The following DENND1A variants were observed in gnomAD, a reference collection of about 807,000 sequenced individuals.
DENND1A encodes the protein DENN domain-containing protein 1A.
In DENND1A, 51 loss-of-function variants were observed where a neutral mutation model predicts 113.7. That is an observed-to-expected ratio of 0.45 (90% CI 0.36 to 0.57). DENND1A has a LOEUF of 0.57. Among genes scored for constraint, DENND1A ranks in the 20% least tolerant of loss-of-function variants. The probability of loss-of-function intolerance (pLI) is 0.00; values close to 1 mark genes in which losing one functional copy is unlikely to be tolerated. For missense variants in DENND1A, 1,258 were observed against 1,395.9 expected (o/e 0.90, Z 1.57); for synonymous variants, 565 against 570.8 (o/e 0.99, Z 0.14).
intron 18 of DENND1A, among the ~76,000 whole-genome samples, chr9:123,443,328 T>C (rs1294212739): frequency 1.3e-5 from 2 of 152,236 alleles, no homozygotes; most frequent in African/African-American, 2.4e-5. Flanking sequence ...CACTATCTTA[T>C]TTTTGTATCT....
chr9:123,617,285 GT>G (rs959177383), intron 10 of DENND1A, among the ~76,000 whole-genome samples: 1 of 152,244 alleles, frequency 6.6e-6, no homozygotes, highest in Non-Finnish European at 1.5e-5. Flanking sequence ...AGATGGCCTA[GT>G]TTCCATTTGT....
At chr9:123,533,504 A>G (rs1221345095) in intron 13 of DENND1A, among the ~76,000 whole-genome samples, 1 of 152,196 alleles carries the variant, frequency 6.6e-6, no homozygotes. Flanking sequence ...CTCACCTGCC[A>G]TTTGCTGCAC....
chr9:123,672,783 G>A (rs2063830292), intron 6 of DENND1A, among the ~76,000 whole-genome samples: 1 of 152,200 alleles, frequency 6.6e-6, no homozygotes, highest in Admixed American at 6.5e-5. Context: ...CCAGAACTGT[G>A]AGCCAAATAC....
At chr9:123,407,349 C>T (rs985296406) in intron 20 of DENND1A, among the ~76,000 whole-genome samples, 1 of 152,116 alleles carries the variant, frequency 6.6e-6, no homozygotes, top group Non-Finnish European at 1.5e-5. Flanking sequence ...TCCCGAGATA[C>T]ATCGAGGCCT....
chr9:123,413,590 G>A (rs1260207927), intron 19 of DENND1A: 9 of 985,410 alleles, frequency 9.1e-6, no homozygotes, highest in South Asian at 4.7e-5. Flanking sequence ...AGGGGAAAGC[G>A]GGTCCAGGGA....
rs747404763 is a variant in DENND1A, at chr9:123,382,176, A to C, written c.2469T>G (p.Thr823=). The C allele has an allele frequency of 2.5e-6, 4 of 1,608,982 alleles. No individual in the cohort carries two copies. The highest frequency in any genetic ancestry group is 1.3e-5 in the African/African-American group (1 of 74,802). ...LLPGVVPQGP[T]ELLQPLSPGP... is the part of the protein sequence containing the mutation. ...CAGGGCTGAGCGGCTGGAGCAGTTC[A>C]GTGGGGCCTTGGGGGACAACACCAG... Residue 823 remains threonine, a synonymous_variant, in exon 24 of 24, where the codon ACT becomes ACG. Coordinates refer to ENST00000394215, the MANE Select transcript of DENND1A (RefSeq NM_001352964.2).
At chr9:123,648,269 C>T (rs1248595644) in intron 9 of DENND1A, among the ~76,000 whole-genome samples, 2 of 152,180 alleles carry the variant, frequency 1.3e-5, no homozygotes, top group Admixed American at 6.5e-5. Context: ...AGAGACAGGG[C>T]TCTCACTGTG....
Position 123,609,386 on chromosome 9 carries a change from G to A in DENND1A, c.765+50C>T, listed in dbSNP as rs768034025. The A allele has an allele frequency of 3.1e-6, 5 of 1,600,006 alleles. No individual in the cohort carries two copies. In the South Asian group the frequency reaches 5.5e-5, roughly 18 times the overall value. ...CTGGGTCTCTCCACCGCCACACAAT[G>A]AAACAAAGCCCCAGGTAGAGCCATC... On this transcript the variant is annotated intron_variant, in intron 11 of 23. Transcript: ENST00000394215.
chr9:123,401,978 G>A, intron 21 of DENND1A: 1 of 1,605,804 alleles, frequency 6.2e-7, no homozygotes, highest in Non-Finnish European at 8.5e-7. Flanking sequence ...CCTGTATCCT[G>A]GTACAGTGTC....
At chr9:123,475,200 G>A (rs2049802584) in intron 13 of DENND1A, among the ~76,000 whole-genome samples, 1 of 152,100 alleles carries the variant, frequency 6.6e-6, no homozygotes, top group Non-Finnish European at 1.5e-5. Context: ...TGTATTTTTA[G>A]TAGAGACAGG....
At chr9:123,915,344 T>C (rs1002943922) in intron 1 of DENND1A, among the ~76,000 whole-genome samples, 8 of 152,156 alleles carry the variant, frequency 5.3e-5, no homozygotes, top group Non-Finnish European at 7.4e-5. Context: ...CATAATAACA[T>C]TCCACTTTTA....
chr9:123,589,699 T>A (rs1276772163), intron 11 of DENND1A, among the ~76,000 whole-genome samples: 1 of 138,102 alleles, frequency 7.2e-6, no homozygotes, highest in Non-Finnish European at 1.5e-5. Flanking sequence ...GCTTTCCAAA[T>A]GGCATTTCTT....
intron 12 of DENND1A, among the ~76,000 whole-genome samples, chr9:123,574,894 C>T (rs1364836038): frequency 1.3e-5 from 2 of 152,218 alleles, no homozygotes; most frequent in African/African-American, 2.4e-5. Flanking sequence ...TAACTAAACT[C>T]CAGACTTTAT....
intron 2 of DENND1A, among the ~76,000 whole-genome samples, chr9:123,843,915 G>A (rs984387792): frequency 1.5e-4 from 23 of 152,028 alleles, no homozygotes; most frequent in African/African-American, 5.6e-4. Context: ...TTGGTTTAAC[G>A]TCCAAAAATA....
At chr9:123,617,419 G>A (rs1455818670) in intron 10 of DENND1A, among the ~76,000 whole-genome samples, 1 of 152,210 alleles carries the variant, frequency 6.6e-6, no homozygotes, top group Non-Finnish European at 1.5e-5. Context: ...GAGCTGATCA[G>A]TGACTGGGAA....
At chr9:123,740,365 C>G (rs1311612580) in intron 5 of DENND1A, among the ~76,000 whole-genome samples, 2 of 152,106 alleles carry the variant, frequency 1.3e-5, no homozygotes, top group Non-Finnish European at 2.9e-5. Context: ...CAGTATAGAG[C>G]ACAGGTACAG....
intron 13 of DENND1A, among the ~76,000 whole-genome samples, chr9:123,551,845 G>T (rs2057067380): frequency 6.6e-6 from 1 of 152,174 alleles, no homozygotes; most frequent in African/African-American, 2.4e-5. Context: ...CACAGATGGG[G>T]AGGAGAAGCC....
chr9:123,589,244 T>G (rs953192815), intron 11 of DENND1A, among the ~76,000 whole-genome samples: 2 of 152,270 alleles, frequency 1.3e-5, no homozygotes, highest in African/African-American at 4.8e-5. Context: ...AAGAAATTAC[T>G]GTATATAATA....
intron 19 of DENND1A, among the ~76,000 whole-genome samples, chr9:123,431,081 G>A (rs1039518148): frequency 6.6e-6 from 1 of 152,156 alleles, no homozygotes; most frequent in African/African-American, 2.4e-5. Flanking sequence ...CATACCTGAA[G>A]CTAGCATAAG....
Sources: gnomAD v4.1 joint callset for allele counts (sites outside exome capture counted in the v4.1 genomes callset) on GRCh38, gnomAD v4.1.1 for gene constraint, MANE v1.5 for transcripts, NCBI Gene and HGNC (gene_info 2026-07-23, HGNC 2026-07-21) for gene names.